Variants in STRN3 observed in about 807,000 individuals in gnomAD.
STRN3 encodes the protein striatin 3, also known as striatin-3.
A neutral mutation model predicts 95.6 loss-of-function variants in STRN3; 29 were observed. That is an observed-to-expected ratio of 0.30 (90% CI 0.23 to 0.41). STRN3 has a LOEUF of 0.41. STRN3 is among the 10% of genes least tolerant of loss of function. The probability of loss-of-function intolerance (pLI) is 1.00; values close to 1 mark genes in which losing one functional copy is unlikely to be tolerated. For synonymous variants in STRN3, 331 were observed against 357.6 expected (o/e 0.93, Z 0.84); for missense variants, 890 against 972.1 (o/e 0.92, Z 1.12).
chr14:30,972,790 A>C (rs1880900257), intron 1 of STRN3, among the ~76,000 whole-genome samples: 1 of 152,180 alleles, frequency 6.6e-6, no homozygotes, highest in Admixed American at 6.5e-5. Flanking sequence ...GGGCAAAAGA[A>C]CAAGACCCTA....
At position 30,936,602 on chromosome 14, in the gene STRN3, T is replaced by C. The variant is rs911699377; in HGVS notation, c.739A>G (p.Thr247Ala). The change falls in exon 6 of 18, where the codon ACG (threonine) becomes GCG (alanine). Residue 247 changes from threonine to alanine, a missense_variant. Coordinates refer to ENST00000357479, the MANE Select transcript of STRN3 (RefSeq NM_001083893.2). ...TCGGCATTTTCTAAGAAATTGAACG[T>C]CTCAAGAACATCACCAGAGGACCTG... ...IKRSSGDVLE[T>A]FNFLENADDS... 8.7e-6 allele frequency: 14 copies of C among 1,613,556 alleles called. No individual in the cohort carries two copies. The highest frequency in any genetic ancestry group is 1.2e-5 in the Non-Finnish European group (14 of 1,179,810).
intron 1 of STRN3, among the ~76,000 whole-genome samples, chr14:31,002,114 C>T (rs1178156990): frequency 1.5e-5 from 2 of 134,002 alleles, no homozygotes; most frequent in South Asian, 2.3e-4. Context: ...TGCAGTGAGC[C>T]GAGATCATGA....
intron 7 of STRN3, among the ~76,000 whole-genome samples, chr14:30,930,549 G>A (rs979484998): frequency 5.9e-5 from 9 of 151,968 alleles, no homozygotes; most frequent in Admixed American, 5.9e-4. Context: ...ACAGGTGGTC[G>A]GTCAGTATGT....
At chr14:30,912,580 C>T (rs1044650030) in intron 10 of STRN3, among the ~76,000 whole-genome samples, 5 of 152,090 alleles carry the variant, frequency 3.3e-5, no homozygotes, top group Admixed American at 6.5e-5. Flanking sequence ...ATTTAGAAAA[C>T]GTATTAGCAT....
intron 7 of STRN3, among the ~76,000 whole-genome samples, chr14:30,930,231 A>G (rs1312717290): frequency 6.6e-6 from 1 of 152,144 alleles, no homozygotes; most frequent in East Asian, 1.9e-4. Context: ...ATTATTTTAA[A>G]TATTGAGGAT....
intron 1 of STRN3, among the ~76,000 whole-genome samples, chr14:31,012,577 T>C (rs1386698046): frequency 2.6e-5 from 4 of 152,138 alleles, no homozygotes; most frequent in Non-Finnish European, 2.9e-5. Flanking sequence ...CTACACAAAA[T>C]ACTATGCAGC....
intron 7 of STRN3, among the ~76,000 whole-genome samples, chr14:30,929,954 C>CAAAAAAAAAAAAAAAAACAACAAAAA (rs1878404872): frequency 2.5e-5 from 1 of 39,996 alleles, no homozygotes; most frequent in African/African-American, 1.2e-4. Context: ...CTAAGATTAG[C>CAAAAAAAAAAAAAAAAACAACAAAAA]AAAAAAAAAA....
At chr14:31,014,489 G>C (rs1306450800) in intron 1 of STRN3, among the ~76,000 whole-genome samples, 1 of 152,064 alleles carries the variant, frequency 6.6e-6, no homozygotes, top group Non-Finnish European at 1.5e-5. Context: ...AAAAGTGCTG[G>C]GATTACAGGC....
chr14:30,922,877 A>G (rs1269621433), intron 8 of STRN3, among the ~76,000 whole-genome samples: 1 of 152,182 alleles, frequency 6.6e-6, no homozygotes, highest in African/African-American at 2.4e-5. Flanking sequence ...TATCAATCTG[A>G]TACATTCTGA....
chr14:30,979,914 T>C (rs1881304459), intron 1 of STRN3, among the ~76,000 whole-genome samples: 1 of 151,890 alleles, frequency 6.6e-6, no homozygotes, highest in South Asian at 2.1e-4. Flanking sequence ...ATTTTATATA[T>C]CATCTGAATT....
At chr14:30,928,777 G>C (rs981733658) in intron 8 of STRN3, among the ~76,000 whole-genome samples, 2 of 152,004 alleles carry the variant, frequency 1.3e-5, no homozygotes, top group Non-Finnish European at 2.9e-5. Flanking sequence ...CTACAGAAAG[G>C]GCTTTCCTAT....
chr14:30,976,462 G>A (rs1010164540), intron 1 of STRN3, among the ~76,000 whole-genome samples: 2 of 152,182 alleles, frequency 1.3e-5, no homozygotes, highest in African/African-American at 4.8e-5. Flanking sequence ...GTAACTGAGA[G>A]ATCCAGCAAG....
chr14:30,910,588 T>A (rs1896581968), intron 13 of STRN3, among the ~76,000 whole-genome samples: 1 of 151,940 alleles, frequency 6.6e-6, no homozygotes. Flanking sequence ...TTTTTTTTCT[T>A]CCATTTTGAA....
At chr14:30,969,352 G>A (rs1468001909) in intron 1 of STRN3, among the ~76,000 whole-genome samples, 3 of 152,050 alleles carry the variant, frequency 2.0e-5, no homozygotes, top group African/African-American at 7.2e-5. Flanking sequence ...CAGGAGAATG[G>A]CGTGAACCCG....
chr14:30,914,397 G>C (rs1896683025), intron 9 of STRN3, among the ~76,000 whole-genome samples: 1 of 152,062 alleles, frequency 6.6e-6, no homozygotes, highest in African/African-American at 2.4e-5. Flanking sequence ...CTGTCGCCCA[G>C]GCTGGAGTGC....
At chr14:30,995,289 G>C (rs1882145850) in intron 1 of STRN3, among the ~76,000 whole-genome samples, 2 of 151,738 alleles carry the variant, frequency 1.3e-5, no homozygotes, top group African/African-American at 4.8e-5. Context: ...GTTTAACAAA[G>C]TTCCTGGGAG....
intron 1 of STRN3, chr14:31,025,649 A>C: frequency 1.8e-6 from 1 of 546,012 alleles, no homozygotes. Context: ...CAGACGCCAT[A>C]CTAAAAGCCA....
Position 30,895,516 on chromosome 14 carries a change from A to T in STRN3, c.2289T>A (p.Ala763=), listed in dbSNP as rs757517842. Residue 763 remains alanine, a synonymous_variant, in exon 18 of 18, where the codon GCT becomes GCA. Transcript: ENST00000357479. ...DSKTCVQEIT[A]HRKKLDESIY... ...TTGATTCATCCAATTTCTTTCTGTGAGCTGTTATTTCTTGCACACATGTCT... is the reference window on the plus strand; with the variant it reads ...TTGATTCATCCAATTTCTTTCTGTGTGCTGTTATTTCTTGCACACATGTCT... 15 of 1,614,042 alleles carry T rather than the reference A, an allele frequency of 9.3e-6. No individual in the cohort carries two copies. The highest frequency in any genetic ancestry group is 5.0e-5 in the Admixed American group (3 of 60,026).
At chr14:30,921,359 G>C (rs532270376) in intron 8 of STRN3, among the ~76,000 whole-genome samples, 108 of 152,232 alleles carry the variant, frequency 7.1e-4, no homozygotes, top group African/African-American at 2.4e-3. Context: ...ACATGAACTG[G>C]GAGATATAGA....
Sources: gnomAD v4.1 joint callset for allele counts (sites outside exome capture counted in the v4.1 genomes callset) on GRCh38, gnomAD v4.1.1 for gene constraint, MANE v1.5 for transcripts, NCBI Gene and HGNC (gene_info 2026-07-23, HGNC 2026-07-21) for gene names.